The following PRR11 variants were observed in gnomAD, a reference collection of about 807,000 sequenced individuals.
The protein encoded by PRR11 is proline-rich protein 11.
In PRR11, 30 loss-of-function variants were observed where a neutral mutation model predicts 45.6. The ratio of observed to expected loss-of-function variants is 0.66; its 90% confidence interval spans 0.49 to 0.89. PRR11 has a LOEUF of 0.89. Among genes scored for constraint, PRR11 ranks in the 40% least tolerant of loss-of-function variants. The probability of loss-of-function intolerance (pLI) is 0.00; values close to 1 mark genes in which losing one functional copy is unlikely to be tolerated. For missense variants in PRR11, 373 were observed against 424.8 expected (o/e 0.88, Z 1.07); for synonymous variants, 128 against 153.5 (o/e 0.83, Z 1.23).
At chr17:59,161,123 T>C (rs1041856539) in intron 1 of PRR11, among the ~76,000 whole-genome samples, 1 of 152,120 alleles carries the variant, frequency 6.6e-6, no homozygotes, top group Non-Finnish European at 1.5e-5. Flanking sequence ...AAAAAATACA[T>C]AGGCCAGGCA....
intron 1 of PRR11, among the ~76,000 whole-genome samples, chr17:59,165,812 A>AAACAAC (rs1350603378): frequency 6.7e-6 from 1 of 149,266 alleles, no homozygotes; most frequent in Non-Finnish European, 1.5e-5. Flanking sequence ...ACAAAAACAA[A>AAACAAC]CAAAACAAAA....
chr17:59,170,058 GC>G (rs2046699843), intron 2 of PRR11, among the ~76,000 whole-genome samples, 178 bp downstream of exon 2: 1 of 152,268 alleles, frequency 6.6e-6, no homozygotes, highest in Middle Eastern at 3.4e-3. Context: ...TTCAAGACCA[GC>G]CTGGCCAATG....
intron 1 of PRR11, among the ~76,000 whole-genome samples, chr17:59,169,192 G>A (rs1193375273): frequency 1.4e-5 from 2 of 141,228 alleles, no homozygotes; most frequent in Non-Finnish European, 3.0e-5. Flanking sequence ...TCCGCCTCCC[G>A]AGTTCAAGCG....
At chr17:59,183,231 T>C (rs1013077588) in intron 2 of PRR11, among the ~76,000 whole-genome samples, 1 of 152,184 alleles carries the variant, frequency 6.6e-6, no homozygotes, top group African/African-American at 2.4e-5. Context: ...GGTCTCCGCA[T>C]CCATCTGTTC....
At chr17:59,179,784 G>C in intron 2 of PRR11, 1 of 1,370,014 alleles carries the variant, frequency 7.3e-7, no homozygotes, top group Non-Finnish European at 1.0e-6. Context: ...TCCTTCTCTG[G>C]CTCCTCCTCC....
chr17:59,174,910 G>T (rs1294560498), intron 2 of PRR11: 1 of 1,112,768 alleles, frequency 9.0e-7, no homozygotes, highest in Admixed American at 1.8e-5. Flanking sequence ...CCAGCCTCCA[G>T]CCCACCTGAT....
At chr17:59,201,431 C>A in intron 9 of PRR11, 132 bp from the exon 10 acceptor site, 3 of 849,482 alleles carry the variant, frequency 3.5e-6, no homozygotes, top group Non-Finnish European at 5.6e-6. Context: ...ATCAGGGAAA[C>A]TGGGAAAAGT....
intron 4 of PRR11, among the ~76,000 whole-genome samples, chr17:59,189,365 G>A (rs12945426): frequency 0.4 from 60,768 of 151,726 alleles, 12,978 homozygotes; most frequent in African/African-American, 0.56. Context: ...ACAAAGTACC[G>A]CTCTGTCGCC....
chr17:59,160,068 A>T (rs1436843590), intron 1 of PRR11, among the ~76,000 whole-genome samples: 1 of 152,156 alleles, frequency 6.6e-6, no homozygotes, highest in Non-Finnish European at 1.5e-5. Context: ...AATCTGATAT[A>T]GTAATCTCAA....
chr17:59,174,042 C>T (rs952803218), intron 2 of PRR11, among the ~76,000 whole-genome samples: 17 of 152,296 alleles, frequency 1.1e-4, no homozygotes, highest in African/African-American at 3.8e-4. Flanking sequence ...TATCTCCTGT[C>T]CTTCATTCTA....
At position 59,178,002 on chromosome 17, in the gene PRR11, GA is replaced by G. The variant is rs35711059; in HGVS notation, c.129-7037del. ...GTGGAACACAGCTAGATACTGTCTC[GA>G]AAAAAAAAAAAAAACAGGTGGGCAC... On this transcript the variant is annotated intron_variant, in intron 2 of 9. Transcript: ENST00000262293. 5.1e-3 allele frequency among the ~76,000 whole-genome samples: 645 copies of G among 125,314 alleles called. 5 individuals carry two copies. The highest frequency in any genetic ancestry group is 0.035 in the Middle Eastern group (9 of 256). 82.2% of individuals were successfully genotyped at this position (125,314 alleles called of 152,430 possible). A position where few individuals can be genotyped will look rare whatever the true frequency, so the allele number is the denominator to read the frequency against.
chr17:59,195,707 T>G (rs541060020), intron 7 of PRR11, among the ~76,000 whole-genome samples: 1 of 152,280 alleles, frequency 6.6e-6, no homozygotes, highest in East Asian at 1.9e-4. Flanking sequence ...TATGGTTTAT[T>G]GCCCCATTTA....
In PRR11 at chr17:59,197,680, A is replaced by G. The variant is rs2046873356; in HGVS notation, c.918-13A>G. ...ATAAAATACAGCTACTGTTATTTTC[A>G]ATACCTTTGCAGGAGCCCAGGTGGA... On this transcript the variant is annotated splice_polypyrimidine_tract_variant and intron_variant, in intron 8 of 9. Transcript: ENST00000262293. The G allele has an allele frequency of 6.2e-7, 1 of 1,612,740 alleles. No individual in the cohort carries two copies. Among genetic ancestry groups the G allele is most frequent in the Non-Finnish European group, 8.5e-7 (1 of 1,178,762 alleles).
intron 1 of PRR11, among the ~76,000 whole-genome samples, chr17:59,169,445 G>C (rs553966476): frequency 6.6e-6 from 1 of 151,908 alleles, no homozygotes; most frequent in East Asian, 1.9e-4. Flanking sequence ...AGCCATTTTC[G>C]CTACTATAAA....
intron 1 of PRR11, among the ~76,000 whole-genome samples, chr17:59,163,835 G>A (rs1381043866): frequency 6.6e-6 from 1 of 152,210 alleles, no homozygotes; most frequent in East Asian, 1.9e-4. Context: ...GGGAGGCCAA[G>A]GCTGATGGAT....
At chr17:59,174,124 C>T (rs1229435104) in intron 2 of PRR11, among the ~76,000 whole-genome samples, 1 of 152,166 alleles carries the variant, frequency 6.6e-6, no homozygotes, top group Non-Finnish European at 1.5e-5. Context: ...AAAACTCACT[C>T]AATATACCCA....
chr17:59,177,899 G>GGA (rs1157653903), intron 2 of PRR11, among the ~76,000 whole-genome samples: 3 of 152,136 alleles, frequency 2.0e-5, no homozygotes, highest in Non-Finnish European at 1.5e-5. Context: ...CAACTGCTCA[G>GGA]GAGGCTGAGG....
At chr17:59,186,542 G>T (rs969494158) in intron 4 of PRR11, among the ~76,000 whole-genome samples, 1 of 151,448 alleles carries the variant, frequency 6.6e-6, no homozygotes, top group Non-Finnish European at 1.5e-5. Flanking sequence ...CCAGAGGTGT[G>T]TGCCACCTGC....
chr17:59,191,634 A>T (rs2046841228), intron 4 of PRR11, among the ~76,000 whole-genome samples: 1 of 152,092 alleles, frequency 6.6e-6, no homozygotes, highest in Non-Finnish European at 1.5e-5. Flanking sequence ...TAATCTCTAG[A>T]TTGCCTCATG....
Sources: gnomAD v4.1 joint callset for allele counts (sites outside exome capture counted in the v4.1 genomes callset) on GRCh38, gnomAD v4.1.1 for gene constraint, MANE v1.5 for transcripts, NCBI Gene and HGNC (gene_info 2026-07-23, HGNC 2026-07-21) for gene names.